The following SMARCA5 variants were observed in gnomAD, a reference collection of about 807,000 sequenced individuals.
The protein encoded by SMARCA5 is SNF2 related chromatin remodeling ATPase 5, also known as SWI/SNF-related matrix-associated actin-dependent regulator of chromatin subfamily A member 5.
A neutral mutation model predicts 140.4 loss-of-function variants in SMARCA5; 18 were observed. That is an observed-to-expected ratio of 0.13 (90% CI 0.09 to 0.19). The LOEUF (loss-of-function observed/expected upper bound fraction) is 0.19. SMARCA5 is among the 10% of genes least tolerant of loss of function. The probability of loss-of-function intolerance (pLI) is 1.00; values close to 1 mark genes in which losing one functional copy is unlikely to be tolerated. For synonymous variants in SMARCA5, 449 were observed against 419.6 expected (o/e 1.07, Z -0.86); for missense variants, 606 against 1,276.8 (o/e 0.47, Z 8.01).
At chr4:143,519,590 A>G (rs73850454) in intron 2 of SMARCA5, among the ~76,000 whole-genome samples, 159 of 151,886 alleles carry the variant, frequency 1.0e-3, no homozygotes, top group African/African-American at 3.7e-3. Flanking sequence ...TCCCAGCATT[A>G]TTTCCTTTTT....
At position 143,556,310 on chromosome 4, in the gene SMARCA5, C is replaced by CT. The variant is rs2149827272; in HGVS notation, c.*3129dup. On this transcript the variant is annotated 3_prime_UTR_variant, in exon 24 of 24. Transcript: ENST00000283131. ...ATATAAATGATCTTTGGCTTAGTAC[C>CT]TTTCTTAATCTCGATCTTAAAAAGC... is the stretch of plus-strand genomic sequence containing the variant. 1 of 152,158 alleles carries CT rather than the reference C, an allele frequency of 6.6e-6. No homozygotes were observed. The highest frequency in any genetic ancestry group is 1.9e-4 in the East Asian group (1 of 5,184). 9.4% of individuals were successfully genotyped at this position (152,158 alleles called of 1,614,324 possible).
chr4:143,519,746 A>G (rs994546935), intron 2 of SMARCA5, among the ~76,000 whole-genome samples: 4 of 152,138 alleles, frequency 2.6e-5, no homozygotes, highest in African/African-American at 4.8e-5. Context: ...ACTAAATACT[A>G]GTGCTGATTG....
At chr4:143,543,799 GT>G in intron 15 of SMARCA5, 53 bp from the exon 16 acceptor site, 1 of 1,569,928 alleles carries the variant, frequency 6.4e-7, no homozygotes, top group Non-Finnish European at 8.6e-7. Flanking sequence ...TTTGACTGCA[GT>G]TTTCATGCTT....
chr4:143,540,793 A>G (rs1359059134), intron 14 of SMARCA5, among the ~76,000 whole-genome samples: 2 of 152,202 alleles, frequency 1.3e-5, no homozygotes, highest in Non-Finnish European at 1.5e-5. Context: ...TAAGGATTTT[A>G]AAGGATTAAA....
intron 6 of SMARCA5, 89 bp from the exon 7 acceptor site, chr4:143,527,779 C>G: frequency 8.8e-7 from 1 of 1,134,436 alleles, no homozygotes; most frequent in Non-Finnish European, 1.3e-6. Context: ...GTATTCCCAC[C>G]TCTTTTTATA....
intron 2 of SMARCA5, 94 bp from the exon 3 acceptor site, chr4:143,521,334 TG>T: frequency 4.0e-6 from 3 of 751,358 alleles, no homozygotes; most frequent in South Asian, 4.1e-5. Flanking sequence ...TTTTTTTTTT[TG>T]CTGAGTTCAT....
Position 143,536,457 on chromosome 4 carries a change from C to T in SMARCA5, c.1274C>T (p.Thr425Ile). ...TGTTTTTCTTCTTTGAATAGGTATA[C>T]TCGGATATTAATGAAGGATATAGAT... ...GLSKMQREWY[T>I]RILMKDIDIL... The change falls in exon 11 of 24, where the codon ACT becomes ATT. Residue 425 changes from threonine to isoleucine, a missense_variant. This residue lies in a region of SMARCA5 where 25 missense variants were observed against 108.7 expected (regional missense o/e 0.23). Transcript: ENST00000283131. The T allele has an allele frequency of 6.2e-7, 1 of 1,607,858 alleles. No individual in the cohort carries two copies. Among genetic ancestry groups the T allele is most frequent in the Non-Finnish European group, 8.5e-7 (1 of 1,174,470 alleles).
Position 143,538,666 on chromosome 4 carries a change from T to C in SMARCA5, c.1572T>C (p.Tyr524=). 6.2e-7 allele frequency: 1 copy of C among 1,613,844 alleles called. No individual in the cohort carries two copies. The highest frequency in any genetic ancestry group is 8.5e-7 in the Non-Finnish European group (1 of 1,179,776). ...AAGATTATTGCATGTGGAGAAATTA[T>C]GAGTACTGCAGGTTGGATGGTCAGA... ...ILEDYCMWRN[Y]EYCRLDGQTP... The change falls in exon 12 of 24, where the codon TAT becomes TAC. Residue 524 remains tyrosine, a synonymous_variant. Coordinates refer to ENST00000283131, the MANE Select transcript of SMARCA5 (RefSeq NM_003601.4).
chr4:143,529,198 G>A (rs952359031), intron 8 of SMARCA5, among the ~76,000 whole-genome samples: 6 of 152,282 alleles, frequency 3.9e-5, no homozygotes, highest in African/African-American at 1.4e-4. Flanking sequence ...GCCTCCCAAA[G>A]TGCTGGGATT....
At chr4:143,536,342 T>G in intron 10 of SMARCA5, 110 bp from the exon 11 acceptor site, 1 of 716,150 alleles carries the variant, frequency 1.4e-6, no homozygotes, top group Non-Finnish European at 2.4e-6. Context: ...GATGAGTAGT[T>G]TCTTACAGAT....
At chr4:143,551,075 T>C (rs571942405) in intron 23 of SMARCA5, among the ~76,000 whole-genome samples, 2 of 152,222 alleles carry the variant, frequency 1.3e-5, no homozygotes, top group African/African-American at 2.4e-5. Flanking sequence ...GGATTTGTTA[T>C]TGCCTGACTT....
At chr4:143,553,071 C>T in intron 23 of SMARCA5, 48 bp from the exon 24 acceptor site, 2 of 1,381,076 alleles carry the variant, frequency 1.4e-6, no homozygotes, top group Non-Finnish European at 1.0e-6. Flanking sequence ...AACTATATTT[C>T]ATGTTTATAT....
At position 143,553,488 on chromosome 4, in the gene SMARCA5, A is replaced by G. The variant is rs957390272; in HGVS notation, c.*304A>G. The G allele has an allele frequency of 4.1e-6, 1 of 242,172 alleles. No homozygotes were observed. Among genetic ancestry groups the G allele is most frequent in the African/African-American group, 2.2e-5 (1 of 44,496 alleles). 15.0% of individuals were successfully genotyped at this position (242,172 alleles called of 1,614,324 possible). On this transcript the variant is annotated 3_prime_UTR_variant, in exon 24 of 24. Coordinates refer to ENST00000283131, the MANE Select transcript of SMARCA5 (RefSeq NM_003601.4). ...GATTGTGACTTTTTGTTTATTAGCT[A>G]TAATTTCTACACTTGTAAGGCTTAA...
rs1336709265 is a variant in SMARCA5, at chr4:143,526,340, C to T, written c.681C>T (p.Asn227=). Residue 227 remains asparagine, a synonymous_variant, in exon 6 of 24, where the codon AAC becomes AAT. Coordinates refer to ENST00000283131, the MANE Select transcript of SMARCA5 (RefSeq NM_003601.4). ...SLLGYMKHYR[N]IPGPHMVLVP... Reference sequence around the variant, plus strand: ...TTGGGTACATGAAACATTATAGAAACATTCCTGGGCCTCATATGGTTTTGG... The same window carrying T: ...TTGGGTACATGAAACATTATAGAAATATTCCTGGGCCTCATATGGTTTTGG... The T allele has an allele frequency of 6.2e-7, 1 of 1,613,806 alleles. No individual in the cohort carries two copies. Among genetic ancestry groups the T allele is most frequent in the Non-Finnish European group, 8.5e-7 (1 of 1,179,882 alleles).
chr4:143,528,100 TAA>T, intron 7 of SMARCA5, 77 bp downstream of exon 7: 5 of 1,158,784 alleles, frequency 4.3e-6, no homozygotes, highest in Non-Finnish European at 5.9e-6. Context: ...CTTTTAACTT[TAA>T]GTTATGAGAT....
intron 11 of SMARCA5, among the ~76,000 whole-genome samples, chr4:143,537,011 G>A (rs1737321136): frequency 6.6e-6 from 1 of 152,202 alleles, no homozygotes; most frequent in Admixed American, 6.5e-5. Context: ...TCCATTGTTA[G>A]ACAGTGGTGG....
intron 5 of SMARCA5, 87 bp downstream of exon 5, chr4:143,525,638 GT>G (rs1375632654): frequency 2.3e-6 from 2 of 854,370 alleles, no homozygotes; most frequent in African/African-American, 3.3e-5. Context: ...GTCTACAACT[GT>G]TAGCAAATGG....
At chr4:143,528,837 A>G in intron 8 of SMARCA5, 123 bp downstream of exon 8, 3 of 763,020 alleles carry the variant, frequency 3.9e-6, no homozygotes, top group Non-Finnish European at 5.9e-6. Flanking sequence ...TTATGCTTTT[A>G]TTTACATAGT....
In SMARCA5 at chr4:143,554,302, G is replaced by A. The variant is rs563081407; in HGVS notation, c.*1118G>A. On this transcript the variant is annotated 3_prime_UTR_variant, in exon 24 of 24. Transcript: ENST00000283131. ...TATGTGCAGATTGGGTACATAAACA[G>A]TTCTCCATTTTTCTAAGGGAATGCA... 3.3e-5 allele frequency: 5 copies of A among 152,196 alleles called. No individual in the cohort carries two copies. Among genetic ancestry groups the A allele is most frequent in the Admixed American group, 2.0e-4 (3 of 15,286 alleles). 9.4% of individuals were successfully genotyped at this position (152,196 alleles called of 1,614,324 possible). A position where few individuals can be genotyped will look rare whatever the true frequency, so the allele number is the denominator to read the frequency against.
Sources: gnomAD v4.1 joint callset for allele counts (sites outside exome capture counted in the v4.1 genomes callset) on GRCh38, gnomAD v4.1.1 for gene constraint, gnomAD v4.1.1 regional missense constraint, MANE v1.5 for transcripts, NCBI Gene and HGNC (gene_info 2026-07-23, HGNC 2026-07-21) for gene names.